The following SFMBT2 variants were observed in gnomAD, a reference collection of about 807,000 sequenced individuals.
SFMBT2 encodes the protein scm-like with four MBT domains protein 2.
SFMBT2 carries 38 observed loss-of-function variants against 110.1 expected under a neutral mutation model. The observed-to-expected ratio is 0.35, with a 90% CI of 0.27 to 0.45. The LOEUF is 0.45. Ranked by LOEUF, SFMBT2 falls within the 20% of genes least tolerant of loss-of-function variation. The probability of loss-of-function intolerance (pLI) is 1.00; values close to 1 mark genes in which losing one functional copy is unlikely to be tolerated. For synonymous variants in SFMBT2, 425 were observed against 425.4 expected (o/e 1.00, Z 0.01); for missense variants, 1,011 against 1,094.9 (o/e 0.92, Z 1.08).
At chr10:7,275,923 C>A (rs1304692508) in intron 7 of SFMBT2, among the ~76,000 whole-genome samples, 1 of 152,240 alleles carries the variant, frequency 6.6e-6, no homozygotes, top group African/African-American at 2.4e-5. Context: ...CAGACACGTG[C>A]CACCCCAGGG....
chr10:7,262,211 CA>C (rs1841228177), intron 7 of SFMBT2, among the ~76,000 whole-genome samples: 1 of 152,080 alleles, frequency 6.6e-6, no homozygotes, highest in African/African-American at 2.4e-5. Flanking sequence ...GCCTAACTTG[CA>C]AAAGGATTGG....
chr10:7,255,474 C>T (rs1301463192), intron 7 of SFMBT2, among the ~76,000 whole-genome samples: 1 of 152,204 alleles, frequency 6.6e-6, no homozygotes, highest in East Asian at 1.9e-4. Context: ...AGAAAAACTG[C>T]TCTCCTTTAA....
intron 4 of SFMBT2, among the ~76,000 whole-genome samples, chr10:7,288,068 G>A (rs1842149649): frequency 6.6e-6 from 1 of 152,050 alleles, no homozygotes; most frequent in Non-Finnish European, 1.5e-5. Flanking sequence ...TTTTTAATCT[G>A]CTGGTTATTG....
intron 16 of SFMBT2, 37 bp downstream of exon 16, chr10:7,188,587 A>T: frequency 1.3e-6 from 2 of 1,552,214 alleles, no homozygotes. Flanking sequence ...GGGAAGTATT[A>T]CAAAAACCCT....
Position 7,159,066 on chromosome 10 carries a change from G to A in SFMBT2, c.*4704C>T, listed in dbSNP as rs1837484314. 1 of 152,210 alleles carries A rather than the reference G, an allele frequency of 6.6e-6. No individual in the cohort carries two copies. The highest frequency in any genetic ancestry group is 2.4e-5 in the African/African-American group (1 of 41,530). 9.4% of individuals were successfully genotyped at this position (152,210 alleles called of 1,614,324 possible). On this transcript the variant is annotated 3_prime_UTR_variant, in exon 21 of 21. Coordinates refer to ENST00000397167, the MANE Select transcript of SFMBT2 (RefSeq NM_001387889.1). ...CTAAGGTGATTTTTAGCCAACGATT[G>A]TCCTAGAATTTTCCTTTTTTCGTCA... is the stretch of plus-strand genomic sequence containing the variant.
chr10:7,379,145 CCT>C (rs1399001084), intron 2 of SFMBT2, among the ~76,000 whole-genome samples: 1 of 152,098 alleles, frequency 6.6e-6, no homozygotes, highest in African/African-American at 2.4e-5. Context: ...AACTCATACA[CCT>C]ATCATCGCGA....
intron 4 of SFMBT2, among the ~76,000 whole-genome samples, chr10:7,308,930 G>A (rs774986260): frequency 6.6e-6 from 1 of 152,134 alleles, no homozygotes; most frequent in African/African-American, 2.4e-5. Flanking sequence ...AGACACTTAC[G>A]CACTTCCCAG....
chr10:7,270,902 G>C (rs922039885), intron 7 of SFMBT2, among the ~76,000 whole-genome samples: 1 of 152,196 alleles, frequency 6.6e-6, no homozygotes, highest in Non-Finnish European at 1.5e-5. Flanking sequence ...AAATATATTA[G>C]AATGATTAAT....
intron 6 of SFMBT2, among the ~76,000 whole-genome samples, chr10:7,281,240 T>C (rs528878921): frequency 4.6e-5 from 7 of 152,288 alleles, no homozygotes; most frequent in African/African-American, 1.7e-4. Flanking sequence ...AGTGAGACCC[T>C]GTCTCAAAAA....
chr10:7,353,368 C>A (rs1208521117), intron 4 of SFMBT2, among the ~76,000 whole-genome samples: 1 of 152,046 alleles, frequency 6.6e-6, no homozygotes, highest in East Asian at 1.9e-4. Flanking sequence ...TAGCAAAGAA[C>A]TCAGAGAAAG....
At chr10:7,249,946 G>A (rs906981913) in intron 7 of SFMBT2, among the ~76,000 whole-genome samples, 5 of 152,020 alleles carry the variant, frequency 3.3e-5, no homozygotes, top group African/African-American at 9.7e-5. Flanking sequence ...GACAGGATGC[G>A]GTCAAATACG....
chr10:7,270,189 C>G (rs1841536597), intron 7 of SFMBT2, among the ~76,000 whole-genome samples: 1 of 152,140 alleles, frequency 6.6e-6, no homozygotes, highest in Non-Finnish European at 1.5e-5. Flanking sequence ...CCATGTGAAC[C>G]TGGAGGCAGG....
At chr10:7,254,921 C>T (rs995640694) in intron 7 of SFMBT2, among the ~76,000 whole-genome samples, 4 of 152,090 alleles carry the variant, frequency 2.6e-5, no homozygotes, top group African/African-American at 9.7e-5. Context: ...ATCTAAAAGG[C>T]AAAACTAGTC....
intron 8 of SFMBT2, among the ~76,000 whole-genome samples, chr10:7,248,291 T>G (rs560469065): frequency 6.6e-6 from 1 of 152,194 alleles, no homozygotes; most frequent in Non-Finnish European, 1.5e-5. Context: ...AACTCGTCAG[T>G]GGACAACTAT....
intron 15 of SFMBT2, 60 bp from the exon 16 acceptor site, chr10:7,188,793 G>C: frequency 7.0e-7 from 1 of 1,423,738 alleles, no homozygotes; most frequent in East Asian, 2.3e-5. Context: ...ACTAACACAA[G>C]GATGCTTTGA....
At chr10:7,202,716 A>G (rs1838997433) in intron 12 of SFMBT2, 194 bp from the exon 13 acceptor site, 2 of 985,324 alleles carry the variant, frequency 2.0e-6, no homozygotes, top group Admixed American at 1.2e-4. Flanking sequence ...ACCAGATGTC[A>G]GATCTTAGTA....
intron 7 of SFMBT2, among the ~76,000 whole-genome samples, chr10:7,261,047 A>T (rs1434151009): frequency 6.6e-6 from 1 of 152,072 alleles, no homozygotes; most frequent in Non-Finnish European, 1.5e-5. Context: ...ATGACTAGAA[A>T]TTAACTTCTC....
At chr10:7,189,103 A>G (rs922733037) in intron 15 of SFMBT2, 1 of 953,478 alleles carries the variant, frequency 1.0e-6, no homozygotes. Context: ...TGAGAATTTC[A>G]TTCTATTTTT....
chr10:7,315,185 G>A (rs1172097811), intron 4 of SFMBT2, among the ~76,000 whole-genome samples: 2 of 152,232 alleles, frequency 1.3e-5, no homozygotes, highest in African/African-American at 4.8e-5. Context: ...GGTCCATTGT[G>A]TGTGTCAATG....
Sources: gnomAD v4.1 joint callset for allele counts (sites outside exome capture counted in the v4.1 genomes callset) on GRCh38, gnomAD v4.1.1 for gene constraint, MANE v1.5 for transcripts, NCBI Gene and HGNC (gene_info 2026-07-23, HGNC 2026-07-21) for gene names.